ATP9B: variants seen among roughly 807,000 people sequenced by gnomAD.
The protein encoded by ATP9B is probable phospholipid-transporting ATPase IIB.
Under a neutral mutation model 146.1 loss-of-function variants are expected in ATP9B, and 110 were observed. That is an observed-to-expected ratio of 0.75 (90% CI 0.65 to 0.88). The LOEUF is 0.88. Ranked by LOEUF, ATP9B falls within the 40% of genes least tolerant of loss-of-function variation. The probability of loss-of-function intolerance (pLI) is 0.00; values close to 1 mark genes in which losing one functional copy is unlikely to be tolerated. For missense variants in ATP9B, 1,499 were observed against 1,496.4 expected (o/e 1.00, Z -0.03); for synonymous variants, 604 against 569.7 (o/e 1.06, Z -0.86).
At chr18:79,130,337 A>T (rs1353533961) in intron 5 of ATP9B, among the ~76,000 whole-genome samples, 1 of 152,068 alleles carries the variant, frequency 6.6e-6, no homozygotes, top group Non-Finnish European at 1.5e-5. Context: ...GGAGGGATTC[A>T]GTAGCAGAAT....
chr18:79,187,591 C>T (rs986586832), intron 8 of ATP9B, among the ~76,000 whole-genome samples: 1 of 152,248 alleles, frequency 6.6e-6, no homozygotes, highest in South Asian at 2.1e-4. Context: ...TGGTCTCTGC[C>T]GAGCCATTTC....
intron 6 of ATP9B, among the ~76,000 whole-genome samples, chr18:79,150,251 T>A (rs2094664930): frequency 6.6e-6 from 1 of 152,186 alleles, no homozygotes; most frequent in Non-Finnish European, 1.5e-5. Flanking sequence ...GCGGATCACT[T>A]GTATATTGCT....
Position 79,298,019 on chromosome 18 carries a change from CTG to C in ATP9B, c.1412-5580_1412-5579del, listed in dbSNP as rs1204090820. 2.7e-5 allele frequency among the ~76,000 whole-genome samples: 4 copies of C among 147,112 alleles called. 1 individual carries two copies. Among genetic ancestry groups the C allele is most frequent in the South Asian group, 2.1e-4 (1 of 4,674 alleles). On this transcript the variant is annotated intron_variant, in intron 13 of 29. Transcript: ENST00000426216. ...AAAGAGCTGAGGCTGAGGCCTCACT[CTG>C]TGTGATGGAGACGCACGCTTTCCCT...
intron 15 of ATP9B, among the ~76,000 whole-genome samples, chr18:79,308,220 A>G (rs114186504): frequency 0.013 from 1,916 of 152,270 alleles, 21 homozygotes; most frequent in African/African-American, 0.036. Flanking sequence ...TGGAACCTGC[A>G]TGCACTGTGG....
At chr18:79,222,922 G>A (rs978151072) in intron 11 of ATP9B, among the ~76,000 whole-genome samples, 88 of 152,200 alleles carry the variant, frequency 5.8e-4, no homozygotes, top group African/African-American at 1.4e-3. Flanking sequence ...TTCTTGTGGA[G>A]GTTAAGGAAA....
At chr18:79,197,800 C>G (rs2095430423) in intron 9 of ATP9B, among the ~76,000 whole-genome samples, 1 of 152,174 alleles carries the variant, frequency 6.6e-6, no homozygotes, top group Non-Finnish European at 1.5e-5. Context: ...AATTAAACGT[C>G]TCTGCAGTTA....
intron 15 of ATP9B, among the ~76,000 whole-genome samples, chr18:79,325,398 A>G (rs1163397893): frequency 2.0e-5 from 3 of 152,226 alleles, no homozygotes; most frequent in South Asian, 2.1e-4. Context: ...TCTATTCCAT[A>G]TATCATAAGC....
At chr18:79,373,864 C>T (rs748722890) in intron 27 of ATP9B, 34 bp from the exon 28 acceptor site, 3 of 1,609,722 alleles carry the variant, frequency 1.9e-6, no homozygotes, top group Non-Finnish European at 1.7e-6. Flanking sequence ...ACACCCTGCT[C>T]GTGTGCATGG....
intron 12 of ATP9B, among the ~76,000 whole-genome samples, chr18:79,264,360 T>C (rs1440048114): frequency 1.3e-5 from 2 of 152,226 alleles, no homozygotes; most frequent in African/African-American, 4.8e-5. Flanking sequence ...TTGTGAACTT[T>C]CTAAGTCTTT....
rs201204033 is a variant in ATP9B at position 79,163,708 on chromosome 18, C to T, written c.778+9153C>T. Among the ~76,000 whole-genome samples, 8 of 151,830 alleles carry T rather than the reference C, an allele frequency of 5.3e-5. No individual in the cohort carries two copies. In the East Asian group the frequency reaches 1.3e-3, roughly 26 times the overall value. Reference sequence around the variant, plus strand: ...AATTCTTTTGACAAATAACCCCTAACGGTTTATTTAAATATATGTATGCGT... The same window carrying T: ...AATTCTTTTGACAAATAACCCCTAATGGTTTATTTAAATATATGTATGCGT... On this transcript the variant is annotated intron_variant, in intron 7 of 29. Transcript: ENST00000426216.
chr18:79,377,123 GCA>G lies in ATP9B; in HGVS notation c.3308-121_3308-120del, dbSNP rs1224058158. The G allele has an allele frequency of 4.4e-6, 5 of 1,147,000 alleles. No homozygotes were observed. In the African/African-American group the frequency reaches 4.6e-5, roughly 11 times the overall value. The allele number at this position is 1,147,000 out of a possible 1,614,324, so 71.1% of individuals were successfully genotyped here. On this transcript the variant is annotated intron_variant, in intron 29 of 29. Transcript: ENST00000426216. Reference sequence around the variant, plus strand: ...GATTTGGAGCTGGGCCCCTGTAAATGCACAGTGATGTTTCCGTGGCAAGCTTA... The same window carrying G: ...GATTTGGAGCTGGGCCCCTGTAAATGCAGTGATGTTTCCGTGGCAAGCTTA...
intron 15 of ATP9B, among the ~76,000 whole-genome samples, chr18:79,324,839 C>T (rs1466993205): frequency 6.6e-6 from 1 of 152,174 alleles, no homozygotes; most frequent in African/African-American, 2.4e-5. Flanking sequence ...AAATAGTTAA[C>T]TATATGGTCT....
At chr18:79,175,482 G>A (rs1328446796) in intron 7 of ATP9B, among the ~76,000 whole-genome samples, 2 of 152,022 alleles carry the variant, frequency 1.3e-5, no homozygotes, top group African/African-American at 2.4e-5. Flanking sequence ...ACAGATATAT[G>A]TGCACACACA....
intron 15 of ATP9B, among the ~76,000 whole-genome samples, chr18:79,319,876 T>C (rs945757755): frequency 2.6e-5 from 4 of 152,192 alleles, no homozygotes; most frequent in Admixed American, 1.3e-4. Context: ...ATTTAATTAA[T>C]TTATTATTAA....
At chr18:79,321,384 ATTT>A (rs11339661) in intron 15 of ATP9B, among the ~76,000 whole-genome samples, 4 of 132,556 alleles carry the variant, frequency 3.0e-5, no homozygotes, top group African/African-American at 5.6e-5. Context: ...TCATCTAGCA[ATTT>A]TTTTTTTTTT....
rs539019259 is a variant in ATP9B at position 79,175,754 on chromosome 18, A to C, written c.779-1059A>C. Reference sequence around the variant, plus strand: ...CATACACACAAGCACACACAAATACATATGTACACATGCATGTGCACACAC... The same window carrying C: ...CATACACACAAGCACACACAAATACCTATGTACACATGCATGTGCACACAC... On this transcript the variant is annotated intron_variant, in intron 7 of 29. Transcript: ENST00000426216. Among the ~76,000 whole-genome samples, 30 of 152,238 alleles carry C rather than the reference A, an allele frequency of 2.0e-4. No individual in the cohort carries two copies. The South Asian group carries it at 6.0e-3, about 31-fold the overall frequency.
At position 79,329,136 on chromosome 18, in the gene ATP9B, C is replaced by T. The variant is rs201523091; in HGVS notation, c.1774-5C>T. ...GTGGCCTCAGTTGTTGCTGGTCTCC[C>T]GTAGGTCGCTCTGGTGCAGTGGACA... On this transcript the variant is annotated splice_polypyrimidine_tract_variant and splice_region_variant and intron_variant, in intron 15 of 29. Coordinates refer to ENST00000426216, the MANE Select transcript of ATP9B (RefSeq NM_198531.5). 17 of 1,579,182 alleles carry T rather than the reference C, an allele frequency of 1.1e-5. No homozygotes were observed. The highest frequency in any genetic ancestry group is 5.4e-5 in the Admixed American group (3 of 55,880).
chr18:79,332,027 C>T (rs929891591), intron 17 of ATP9B, among the ~76,000 whole-genome samples: 13 of 152,214 alleles, frequency 8.5e-5, no homozygotes, highest in Non-Finnish European at 4.4e-5. Flanking sequence ...TCCTGTTGAA[C>T]GAAGCCATAC....
At chr18:79,096,409 C>T in intron 1 of ATP9B, 67 bp from the exon 2 acceptor site, 1 of 1,424,184 alleles carries the variant, frequency 7.0e-7, no homozygotes, top group Admixed American at 1.9e-5. Flanking sequence ...AATATTGTCC[C>T]TAAATGAAAC....
Sources: allele counts gnomAD v4.1 joint callset (sites outside exome capture counted in the v4.1 genomes callset), GRCh38; gene constraint gnomAD v4.1.1; transcripts MANE v1.5; gene names NCBI Gene and HGNC (gene_info 2026-07-23, HGNC 2026-07-21).